Variants in UNC79 observed in about 807,000 individuals in gnomAD.
UNC79 encodes the protein protein unc-79 homolog.
A neutral mutation model predicts 283.1 loss-of-function variants in UNC79; 37 were observed. The observed-to-expected ratio is 0.13, with a 90% CI of 0.10 to 0.17. The LOEUF (loss-of-function observed/expected upper bound fraction) is 0.17, where lower values mean the gene tolerates loss of function less well. UNC79 is among the 10% of genes least tolerant of loss of function. The probability of loss-of-function intolerance (pLI) is 1.00; values close to 1 mark genes in which losing one functional copy is unlikely to be tolerated. For synonymous variants in UNC79, 1,107 were observed against 1,200.2 expected, an observed-to-expected ratio of 0.92 and a Z score of 1.61; for missense variants, 2,272 against 3,211.1, an observed-to-expected ratio of 0.71 and a Z score of 7.07.
intron 14 of UNC79, among the ~76,000 whole-genome samples, chr14:93,555,511 A>G (rs1244333801): frequency 6.6e-6 from 1 of 151,998 alleles, no homozygotes; most frequent in Non-Finnish European, 1.5e-5. Flanking sequence ...TCAGGTGATT[A>G]TCCTGCCTCA....
At chr14:93,620,290 G>A (rs2139901285) in intron 29 of UNC79, among the ~76,000 whole-genome samples, 1 of 152,282 alleles carries the variant, frequency 6.6e-6, no homozygotes, top group East Asian at 1.9e-4. Flanking sequence ...CATTCGTGGA[G>A]CTTTTGAGAT....
chr14:93,621,608 C>G lies in UNC79; in HGVS notation c.4388-13C>G, dbSNP rs1178867719. On this transcript the variant is annotated splice_polypyrimidine_tract_variant and intron_variant, in intron 29 of 48. Transcript: ENST00000555664. This position sits in a 1 kb window ranked among gnomAD's most constrained non-coding sequence, Gnocchi z 4.8. ...CCAAGTAAAATAGTACTAGCTTTTT[C>G]TGTTTTGATCAGGTGAAATAGAACT... 1 of 1,523,370 alleles carries G rather than the reference C, an allele frequency of 6.6e-7. No homozygotes were observed. Among genetic ancestry groups the G allele is most frequent in the African/African-American group, 1.4e-5 (1 of 71,782 alleles). 94.4% of individuals were successfully genotyped at this position (1,523,370 alleles called of 1,614,324 possible).
intron 39 of UNC79, among the ~76,000 whole-genome samples, chr14:93,660,563 A>ATATATATATATATATATATT: frequency 1.5e-5 from 1 of 64,794 alleles, no homozygotes; most frequent in East Asian, 5.5e-4. Flanking sequence ...ATATATATAT[A>ATATATATATATATATATATT]TGTGTGTGTG....
chr14:93,354,920 G>A (rs1303571914), intron 1 of UNC79, among the ~76,000 whole-genome samples: 1 of 152,132 alleles, frequency 6.6e-6, no homozygotes, highest in African/African-American at 2.4e-5. Context: ...AATATAATGA[G>A]AAGTAGATCA....
chr14:93,670,677 T>C (rs2072749585), intron 40 of UNC79, among the ~76,000 whole-genome samples: 1 of 152,182 alleles, frequency 6.6e-6, no homozygotes. Flanking sequence ...AATTAATCCA[T>C]TGACCATTGG....
At chr14:93,586,307 T>G (rs2064220639) in intron 20 of UNC79, among the ~76,000 whole-genome samples, 1 of 152,234 alleles carries the variant, frequency 6.6e-6, no homozygotes, top group Non-Finnish European at 1.5e-5. Context: ...CAATCATGTA[T>G]TCAGTTGTCT....
At chr14:93,480,946 G>C (rs892677003) in intron 4 of UNC79, among the ~76,000 whole-genome samples, 3 of 152,172 alleles carry the variant, frequency 2.0e-5, no homozygotes, top group African/African-American at 7.2e-5. Context: ...TGGAAAACAT[G>C]AACTGCTTTT....
chr14:93,362,400 G>A, intron 1 of UNC79, among the ~76,000 whole-genome samples: 1 of 152,070 alleles, frequency 6.6e-6, no homozygotes, highest in Non-Finnish European at 1.5e-5. Flanking sequence ...CCAGGCTGGA[G>A]TGCAATGGCG....
chr14:93,372,022 T>G (rs1255154164), intron 1 of UNC79, among the ~76,000 whole-genome samples: 1 of 152,194 alleles, frequency 6.6e-6, no homozygotes, highest in Non-Finnish European at 1.5e-5. Flanking sequence ...ATGAGGAAAT[T>G]CATTGCCAGT....
chr14:93,470,280 C>G (rs1033441921), intron 2 of UNC79, among the ~76,000 whole-genome samples: 74 of 152,272 alleles, frequency 4.9e-4, no homozygotes, highest in African/African-American at 1.7e-3. Flanking sequence ...GCATACAACT[C>G]TCATGATTTT....
intron 31 of UNC79, among the ~76,000 whole-genome samples, chr14:93,633,458 A>G (rs2068215175): frequency 1.3e-5 from 2 of 152,240 alleles, no homozygotes; most frequent in Admixed American, 6.5e-5. Flanking sequence ...TGTGTATAAC[A>G]TTGAAGAGTT....
chr14:93,374,700 G>T (rs1233307780), intron 1 of UNC79, among the ~76,000 whole-genome samples: 1 of 152,040 alleles, frequency 6.6e-6, no homozygotes, highest in Non-Finnish European at 1.5e-5. Flanking sequence ...CACCACAACT[G>T]GCTAATTTTT....
chr14:93,691,693 G>C, intron 45 of UNC79, 56 bp from the exon 49 acceptor site: 2 of 1,598,522 alleles, frequency 1.3e-6, no homozygotes, highest in Non-Finnish European at 1.7e-6. Flanking sequence ...AGGACTCCGT[G>C]GAGGGCCACA....
At chr14:93,462,478 G>A (rs186008159) in intron 1 of UNC79, among the ~76,000 whole-genome samples, 8 of 152,328 alleles carry the variant, frequency 5.3e-5, no homozygotes, top group Non-Finnish European at 8.8e-5. Context: ...GTTTATGACT[G>A]TATGAAGCAG....
exon 18 of UNC79, chr14:93,577,988 T>G: frequency 6.2e-7 from 1 of 1,614,252 alleles, no homozygotes; most frequent in South Asian, 1.1e-5. Context: ...GAGGAAGGAC[T>G]ATTGACTTTG....
At chr14:93,334,996 T>C (rs1314989134) in intron 1 of UNC79, 1 of 152,376 alleles carries the variant, frequency 6.6e-6, no homozygotes, top group Non-Finnish European at 1.5e-5. Flanking sequence ...TACTTGACTT[T>C]GCTTCTATTT....
chr14:93,502,146 G>C (rs764214345), intron 7 of UNC79, among the ~76,000 whole-genome samples: 5 of 152,162 alleles, frequency 3.3e-5, no homozygotes, highest in Non-Finnish European at 7.4e-5. Flanking sequence ...GGGCATGGTG[G>C]CTTATGCCTG....
intron 1 of UNC79, among the ~76,000 whole-genome samples, chr14:93,404,513 T>TATATATATATATATATATATATAAAA (rs1229909876): frequency 1.8e-5 from 2 of 113,294 alleles, no homozygotes; most frequent in African/African-American, 3.4e-5. Context: ...TATATATATA[T>TATATATATATATATATATATATAAAA]AAATATATAC....
intron 5 of UNC79, among the ~76,000 whole-genome samples, chr14:93,488,477 A>C (rs1328590685): frequency 7.0e-6 from 1 of 143,114 alleles, no homozygotes; most frequent in Admixed American, 7.6e-5. Context: ...TTTGGAAAGT[A>C]AACAAATCCA....
Sources: gnomAD v4.1 joint callset for allele counts (sites outside exome capture counted in the v4.1 genomes callset) on GRCh38, gnomAD v4.1.1 for gene constraint, Gnocchi (gnomAD v3.1) non-coding constraint, MANE v1.5 for transcripts, NCBI Gene and HGNC (gene_info 2026-07-23, HGNC 2026-07-21) for gene names.